Variants in KANK1 observed in about 807,000 individuals in gnomAD.
KANK1 encodes the protein KN motif and ankyrin repeat domain-containing protein 1.
Under a neutral mutation model 106.2 loss-of-function variants are expected in KANK1, and 109 were observed. The observed-to-expected ratio is 1.03, with a 90% confidence interval of 0.88 to 1.20. KANK1 has a LOEUF of 1.20. KANK1 is among the 50% of genes most tolerant of loss of function. KANK1 has a pLI of 0.00. For missense variants in KANK1, 2,399 were observed against 1,710.7 expected, an observed-to-expected ratio of 1.40 and a Z score of -7.10; for synonymous variants, 873 against 652.2, an observed-to-expected ratio of 1.34 and a Z score of -5.16.
chr9:595,394 T>C (rs1312579738), intron 1 of KANK1, among the ~76,000 whole-genome samples: 1 of 151,936 alleles, frequency 6.6e-6, no homozygotes, highest in Non-Finnish European at 1.5e-5. Flanking sequence ...CCTAATGCCA[T>C]TGCAGGAGCA....
intron 1 of KANK1, among the ~76,000 whole-genome samples, chr9:635,211 T>C (rs16921441): frequency 0.15 from 22,650 of 152,056 alleles, 1,889 homozygotes; most frequent in Admixed American, 0.17. Flanking sequence ...CCCTAAAAAG[T>C]CTGTGCCTGC....
At chr9:734,644 C>A (rs978129197) in intron 6 of KANK1, 104 bp from the exon 7 acceptor site, 2 of 733,928 alleles carry the variant, frequency 2.7e-6, no homozygotes, top group South Asian at 1.7e-5. Context: ...CCAGCCTGGG[C>A]GACAGAGCAT....
chr9:549,652 G>A (rs894003402), intron 1 of KANK1: 4 of 152,440 alleles, frequency 2.6e-5, no homozygotes, highest in African/African-American at 9.7e-5. Flanking sequence ...GTGTGAAAGA[G>A]AAGCCACCTT....
intron 1 of KANK1, among the ~76,000 whole-genome samples, chr9:620,548 G>A (rs898493773): frequency 4.0e-5 from 6 of 151,828 alleles, no homozygotes; most frequent in Admixed American, 6.6e-5. Context: ...GATTACGGGC[G>A]CCTGCCACCA....
intron 2 of KANK1, among the ~76,000 whole-genome samples, chr9:686,313 T>C (rs1007128714): frequency 6.6e-6 from 1 of 152,220 alleles, no homozygotes; most frequent in African/African-American, 2.4e-5. Flanking sequence ...AATATGTTTT[T>C]TGGGGCAACC....
At position 481,304 on chromosome 9, in the gene KANK1, A is replaced by AC. The variant is rs59263862; in HGVS notation, c.-362+8034dup. Among the ~76,000 whole-genome samples the AC allele has an allele frequency of 6.6e-4, 100 of 151,912 alleles. 1 individual carries two copies. The highest frequency in any genetic ancestry group is 2.1e-3 in the African/African-American group (85 of 41,398). ...TAAAAACAAAACAAAACAAAAAAAA[A>AC]CCCAAAAACAAAAATAGACTGGTCT... On this transcript the variant is annotated intron_variant, in intron 3 of 15. Transcript: ENST00000382303.
intron 3 of KANK1, among the ~76,000 whole-genome samples, chr9:718,480 T>G (rs1828364126): frequency 1.5e-5 from 1 of 68,806 alleles, no homozygotes; most frequent in African/African-American, 5.0e-5. Flanking sequence ...ACCTGGCTAA[T>G]TTTTGTATTT....
At chr9:642,741 C>T (rs1480795573) in intron 1 of KANK1, among the ~76,000 whole-genome samples, 1 of 149,574 alleles carries the variant, frequency 6.7e-6, no homozygotes, top group East Asian at 1.9e-4. Flanking sequence ...CTCTGTCTTT[C>T]ACAATAAATA....
chr9:634,195 C>G (rs1463181462), intron 1 of KANK1, among the ~76,000 whole-genome samples: 1 of 152,178 alleles, frequency 6.6e-6, no homozygotes, highest in African/African-American at 2.4e-5. Context: ...TCCCCAAAGG[C>G]TCAGAGAGTT....
intron 2 of KANK1, among the ~76,000 whole-genome samples, chr9:700,362 C>T (rs1822356041): frequency 6.6e-6 from 1 of 152,192 alleles, no homozygotes; most frequent in African/African-American, 2.4e-5. Context: ...GAGCTTAGTG[C>T]TAACAGTGTC....
intron 1 of KANK1, among the ~76,000 whole-genome samples, chr9:509,971 T>C (rs895198527): frequency 5.5e-5 from 8 of 144,944 alleles, no homozygotes; most frequent in African/African-American, 2.3e-4. Flanking sequence ...CAGCTAATTT[T>C]TCCTTTTTTT....
At chr9:552,322 C>A (rs931587217) in intron 1 of KANK1, among the ~76,000 whole-genome samples, 1 of 152,088 alleles carries the variant, frequency 6.6e-6, no homozygotes, top group African/African-American at 2.4e-5. Flanking sequence ...TAGGAGGTTC[C>A]AAGGACCTGC....
intron 1 of KANK1, among the ~76,000 whole-genome samples, chr9:525,515 G>T (rs1199842660): frequency 2.6e-5 from 4 of 151,376 alleles, no homozygotes; most frequent in Admixed American, 2.6e-4. Flanking sequence ...GAGTAGCTGG[G>T]ATTGCTGGGA....
At chr9:496,317 G>A (rs1215688127) in intron 3 of KANK1, among the ~76,000 whole-genome samples, 3 of 152,202 alleles carry the variant, frequency 2.0e-5, no homozygotes, top group African/African-American at 4.8e-5. Context: ...ACTCTAGGAG[G>A]CCGAGGCGAG....
intron 1 of KANK1, among the ~76,000 whole-genome samples, chr9:620,485 C>CTG (rs1832893375): frequency 1.3e-5 from 2 of 152,118 alleles, no homozygotes; most frequent in African/African-American, 4.8e-5. Context: ...TCACGGCAAC[C>CTG]TACACCTCCC....
At chr9:646,859 A>G (rs1269355362) in intron 1 of KANK1, among the ~76,000 whole-genome samples, 2 of 137,440 alleles carry the variant, frequency 1.5e-5, no homozygotes, top group Admixed American at 1.4e-4. Context: ...ACGCCTGGCT[A>G]ATTTTTTTTT....
intron 3 of KANK1, among the ~76,000 whole-genome samples, chr9:726,071 A>G (rs1830560925): frequency 6.6e-6 from 1 of 152,236 alleles, no homozygotes; most frequent in Non-Finnish European, 1.5e-5. Context: ...TTTCTAATAC[A>G]TACATATGTA....
At chr9:738,638 T>C in intron 8 of KANK1, 134 bp downstream of exon 8, 1 of 698,128 alleles carries the variant, frequency 1.4e-6, no homozygotes, top group Non-Finnish European at 2.5e-6. Flanking sequence ...CCACATGACA[T>C]GGCAAGAATT....
chr9:647,488 T>C, intron 1 of KANK1, among the ~76,000 whole-genome samples: 1 of 151,022 alleles, frequency 6.6e-6, no homozygotes. Flanking sequence ...TCCAAACTAG[T>C]GAAAACTACA....
Sources: allele counts gnomAD v4.1 joint callset (sites outside exome capture counted in the v4.1 genomes callset), GRCh38; gene constraint gnomAD v4.1.1; transcripts MANE v1.5; gene names NCBI Gene and HGNC (gene_info 2026-07-23, HGNC 2026-07-21).